TCF4: variants seen among roughly 807,000 people sequenced by gnomAD.
The protein encoded by TCF4 is transcription factor 4, also known as SL3-3 enhancer factor 2.
Under a neutral mutation model 82.1 loss-of-function variants are expected in TCF4, and 3 were observed. The ratio of observed to expected loss-of-function variants is 0.04; its 90% CI spans 0.02 to 0.09. The LOEUF (loss-of-function observed/expected upper bound fraction) is 0.09, where lower values mean the gene tolerates loss of function less well. Among genes scored for constraint, TCF4 ranks in the 10% least tolerant of loss-of-function variants. The probability of loss-of-function intolerance (pLI) is 1.00; values close to 1 mark genes in which losing one functional copy is unlikely to be tolerated. For missense variants in TCF4, 518 were observed against 852.7 expected (o/e 0.61, Z 4.89); for synonymous variants, 276 against 309.6 (o/e 0.89, Z 1.14).
intron 8 of TCF4, among the ~76,000 whole-genome samples, chr18:55,284,790 C>T (rs902189381): frequency 5.3e-5 from 8 of 152,200 alleles, no homozygotes; most frequent in African/African-American, 1.9e-4. Flanking sequence ...CGCCCAAGTA[C>T]TGGCTGGGCT....
At chr18:55,615,312 T>C (rs972411501) in intron 2 of TCF4, among the ~76,000 whole-genome samples, 1 of 152,150 alleles carries the variant, frequency 6.6e-6, no homozygotes, top group East Asian at 1.9e-4. Context: ...TATCTATACA[T>C]GTACACTTTA....
intron 9 of TCF4, among the ~76,000 whole-genome samples, chr18:55,278,302 C>T (rs768246495): frequency 5.9e-5 from 9 of 152,058 alleles, no homozygotes; most frequent in Non-Finnish European, 1.0e-4. Context: ...CCCCATGGCC[C>T]GTAGACAAGG....
At chr18:55,554,080 T>C (rs1487890496) in intron 3 of TCF4, among the ~76,000 whole-genome samples, 1 of 152,134 alleles carries the variant, frequency 6.6e-6, no homozygotes, top group Admixed American at 6.5e-5. Context: ...TAAAAAAGAT[T>C]TGCAGAACAG....
In TCF4 at chr18:55,632,022, T is replaced by A. The variant is rs1259795138; in HGVS notation, c.196-634A>T. On this transcript the variant is annotated intron_variant, in intron 1 of 20. Coordinates refer to the TCF4 transcript ENST00000398339. The stretch of plus-strand genomic sequence containing the variant: ...TTTTTGCCCTGATTAACAGTTCTTT[T>A]TGTTGTTGTTGTTGTTTTTGTTTTG... Among the ~76,000 whole-genome samples the A allele has an allele frequency of 2.6e-5, 4 of 151,990 alleles. No individual in the cohort carries two copies. The East Asian group carries it at 5.8e-4, about 22-fold the overall frequency.
intron 15 of TCF4, among the ~76,000 whole-genome samples, chr18:55,250,132 G>A (rs535941165): frequency 1.3e-5 from 2 of 152,190 alleles, no homozygotes; most frequent in Admixed American, 1.3e-4. Flanking sequence ...CTTTAATTTT[G>A]GAAGAAAAGT....
chr18:55,375,233 T>C (rs2090436588), intron 6 of TCF4, among the ~76,000 whole-genome samples: 1 of 151,640 alleles, frequency 6.6e-6, no homozygotes, highest in Non-Finnish European at 1.5e-5. Flanking sequence ...TAAAATAAAA[T>C]TCCACATAAA....
intron 3 of TCF4, among the ~76,000 whole-genome samples, chr18:55,565,877 T>C (rs1176110986): frequency 6.6e-6 from 1 of 151,942 alleles, no homozygotes; most frequent in Non-Finnish European, 1.5e-5. Context: ...ATATTACATG[T>C]TCTCACTCAT....
At chr18:55,488,433 G>T (rs2096540708) in intron 3 of TCF4, among the ~76,000 whole-genome samples, 1 of 151,948 alleles carries the variant, frequency 6.6e-6, no homozygotes, top group South Asian at 2.1e-4. Flanking sequence ...CCCCAGAAGA[G>T]GTTGAGAATT....
intron 6 of TCF4, among the ~76,000 whole-genome samples, chr18:55,381,956 A>G (rs2091980981): frequency 6.6e-6 from 1 of 152,076 alleles, no homozygotes; most frequent in South Asian, 2.1e-4. Flanking sequence ...ATTTACTAAA[A>G]ACTTTGACTA....
At chr18:55,234,748 G>A (rs1299460466) in intron 15 of TCF4, 65 bp from the exon 16 acceptor site, 2 of 1,611,142 alleles carry the variant, frequency 1.2e-6, no homozygotes, top group East Asian at 2.2e-5. Context: ...ATTTCCAGAG[G>A]CCAAGAGGAC....
chr18:55,385,791 A>G (rs1215678671), intron 6 of TCF4, among the ~76,000 whole-genome samples: 1 of 152,204 alleles, frequency 6.6e-6, no homozygotes, highest in Non-Finnish European at 1.5e-5. Context: ...TTGCGAGTCA[A>G]TGAAAGAATT....
At chr18:55,327,272 T>C (rs1157942463) in intron 8 of TCF4, among the ~76,000 whole-genome samples, 1 of 145,344 alleles carries the variant, frequency 6.9e-6, no homozygotes, top group South Asian at 2.1e-4. Context: ...GTAGAAAATA[T>C]ACTTATCTGA....
intron 6 of TCF4, among the ~76,000 whole-genome samples, chr18:55,368,608 C>G (rs2087957602): frequency 6.6e-6 from 1 of 152,030 alleles, no homozygotes; most frequent in Non-Finnish European, 1.5e-5. Context: ...ACAAGCTTGC[C>G]CTAAATGCAA....
chr18:55,608,348 G>T (rs142589497), intron 2 of TCF4, among the ~76,000 whole-genome samples: 6 of 147,946 alleles, frequency 4.1e-5, no homozygotes, highest in East Asian at 2.0e-4. Context: ...AAATTAGACC[G>T]ATCTAGCATC....
intron 6 of TCF4, among the ~76,000 whole-genome samples, chr18:55,353,100 A>C (rs1206746051): frequency 6.6e-6 from 1 of 152,148 alleles, no homozygotes; most frequent in Non-Finnish European, 1.5e-5. Context: ...AATGAGTTTA[A>C]CCATTGGTTA....
intron 5 of TCF4, among the ~76,000 whole-genome samples, chr18:55,454,295 T>C (rs1038151818): frequency 2.0e-5 from 3 of 152,200 alleles, no homozygotes; most frequent in African/African-American, 7.2e-5. Context: ...GTCAAGGATA[T>C]AGTCCTATAG....
At chr18:55,429,485 G>C (rs550456407) in intron 5 of TCF4, among the ~76,000 whole-genome samples, 2 of 152,156 alleles carry the variant, frequency 1.3e-5, no homozygotes, top group Non-Finnish European at 2.9e-5. Flanking sequence ...ATTTGGGGCC[G>C]AGCACGATGG....
chr18:55,370,013 A>G (rs558595997), intron 6 of TCF4, among the ~76,000 whole-genome samples: 2 of 152,202 alleles, frequency 1.3e-5, no homozygotes, highest in Non-Finnish European at 2.9e-5. Flanking sequence ...CAGCCTGGCC[A>G]TCCCATCGTG....
chr18:55,423,648 C>T (rs1353289956), intron 5 of TCF4: 1 of 152,346 alleles, frequency 6.6e-6, no homozygotes, highest in African/African-American at 2.4e-5. Flanking sequence ...GGGACCATTA[C>T]ACATGACCAA....
Sources: gnomAD v4.1 joint callset for allele counts (sites outside exome capture counted in the v4.1 genomes callset) on GRCh38, gnomAD v4.1.1 for gene constraint, MANE v1.5 for transcripts, NCBI Gene and HGNC (gene_info 2026-07-23, HGNC 2026-07-21) for gene names.